EYS: variants seen among roughly 807,000 people sequenced by gnomAD.
EYS encodes EGF-like photoreceptor maintenance factor.
Under a neutral mutation model 282.1 loss-of-function variants are expected in EYS, and 250 were observed. The observed-to-expected ratio is 0.89, with a 90% CI of 0.80 to 0.98. The LOEUF (loss-of-function observed/expected upper bound fraction) is 0.98. Among genes scored for constraint, EYS ranks in the 50% least tolerant of loss-of-function variants. The probability of loss-of-function intolerance (pLI) is 0.00; values close to 1 mark genes in which losing one functional copy is unlikely to be tolerated. For synonymous variants in EYS, 1,355 were observed against 1,282.9 expected, an observed-to-expected ratio of 1.06 and a Z score of -1.20; for missense variants, 4,016 against 3,709.0, an observed-to-expected ratio of 1.08 and a Z score of -2.15.
chr6:63,944,928 C>CTA (rs1437969368), intron 35 of EYS, among the ~76,000 whole-genome samples: 7 of 151,556 alleles, frequency 4.6e-5, no homozygotes, highest in African/African-American at 1.7e-4. Flanking sequence ...GAGCAAGACT[C>CTA]TATCTCAAAA....
In EYS at chr6:65,089,884, A is replaced by C. The variant is rs1297419405; in HGVS notation, c.2024-32157T>G. Among the ~76,000 whole-genome samples, 3 of 149,750 alleles carry C rather than the reference A, an allele frequency of 2.0e-5. No homozygotes were observed. The East Asian group carries it at 6.1e-4, about 30-fold the overall frequency. On this transcript the variant is annotated intron_variant, in intron 12 of 42. Transcript: ENST00000503581. The stretch of plus-strand genomic sequence containing the variant: ...GTGAGGGGAATTGCTTGAATCTGGG[A>C]TGCAGAGGTTGCAGTAAAGCTGAGA...
At chr6:65,244,768 C>T (rs1407413454) in intron 12 of EYS, among the ~76,000 whole-genome samples, 1 of 151,782 alleles carries the variant, frequency 6.6e-6, no homozygotes, top group Non-Finnish European at 1.5e-5. Flanking sequence ...CTGATCCGCC[C>T]GCCTCGGCCT....
At chr6:63,839,711 G>A (rs1771901374) in intron 36 of EYS, among the ~76,000 whole-genome samples, 1 of 152,062 alleles carries the variant, frequency 6.6e-6, no homozygotes, top group Admixed American at 6.6e-5. Flanking sequence ...TTGACACACT[G>A]CTTTCCTTTC....
chr6:64,982,069 T>G (rs1169222595), intron 14 of EYS, among the ~76,000 whole-genome samples: 1 of 151,470 alleles, frequency 6.6e-6, no homozygotes, highest in Non-Finnish European at 1.5e-5. Flanking sequence ...AGCATTAATA[T>G]CTTTCCTTTC....
intron 19 of EYS, among the ~76,000 whole-genome samples, chr6:64,828,939 A>G (rs1210425203): frequency 3.3e-5 from 5 of 151,984 alleles, no homozygotes; most frequent in Non-Finnish European, 7.4e-5. Flanking sequence ...CCTTATTAAG[A>G]GGTTACCCAA....
intron 7 of EYS, among the ~76,000 whole-genome samples, chr6:65,398,587 A>C (rs930572700): frequency 2.0e-4 from 30 of 152,222 alleles, no homozygotes; most frequent in Admixed American, 1.4e-3. Flanking sequence ...AGTTCTCAAA[A>C]GGAAATGCAA....
At chr6:65,553,996 T>C (rs1202473409) in intron 2 of EYS, among the ~76,000 whole-genome samples, 1 of 152,130 alleles carries the variant, frequency 6.6e-6, no homozygotes, top group Non-Finnish European at 1.5e-5. Flanking sequence ...AGTGGTACCT[T>C]TGAGAGGTAA....
chr6:64,073,379 T>C (rs1214742408), intron 32 of EYS, among the ~76,000 whole-genome samples: 1 of 151,794 alleles, frequency 6.6e-6, no homozygotes, highest in Non-Finnish European at 1.5e-5. Context: ...ACATATCACT[T>C]GATTGACTTT....
At chr6:64,577,884 T>C (rs1467602364) in intron 26 of EYS, among the ~76,000 whole-genome samples, 1 of 152,138 alleles carries the variant, frequency 6.6e-6, no homozygotes, top group Non-Finnish European at 1.5e-5. Context: ...TATTTTCCTT[T>C]ATTTGTCCTT....
rs1767803278 is a variant in EYS at position 65,532,328 on chromosome 6, C to T, written c.-332-36335G>A. On this transcript the variant is annotated intron_variant, in intron 2 of 42. Transcript: ENST00000503581. ...CATATTTCTATTCAATCTGAATGAT[C>T]TCAAGTCATAATATTTTTCTTTGAT... Among the ~76,000 whole-genome samples, 4 of 152,060 alleles carry T rather than the reference C, an allele frequency of 2.6e-5. No homozygotes were observed. In the South Asian group the frequency reaches 8.3e-4, roughly 31 times the overall value.
At chr6:64,167,867 G>C (rs532636871) in intron 31 of EYS, among the ~76,000 whole-genome samples, 17 of 152,170 alleles carry the variant, frequency 1.1e-4, no homozygotes, top group Non-Finnish European at 1.9e-4. Context: ...TATATGAGCG[G>C]CATTATGTAC....
At chr6:64,540,172 A>G (rs1229865902) in intron 26 of EYS, among the ~76,000 whole-genome samples, 2 of 152,220 alleles carry the variant, frequency 1.3e-5, no homozygotes, top group Non-Finnish European at 2.9e-5. Context: ...AAGCAACTTT[A>G]AATCCTGTGG....
intron 31 of EYS, among the ~76,000 whole-genome samples, chr6:64,229,193 T>C (rs1163195506): frequency 2.6e-5 from 4 of 152,138 alleles, no homozygotes; most frequent in Non-Finnish European, 5.9e-5. Flanking sequence ...GAGAATCACT[T>C]GAACCTGGGA....
At chr6:64,738,956 C>G (rs1772278346) in intron 22 of EYS, among the ~76,000 whole-genome samples, 1 of 152,156 alleles carries the variant, frequency 6.6e-6, no homozygotes, top group East Asian at 1.9e-4. Flanking sequence ...CCATGTTGGC[C>G]AGGCTGGCCT....
chr6:65,231,456 G>C (rs2150268399), intron 12 of EYS, among the ~76,000 whole-genome samples: 1 of 151,548 alleles, frequency 6.6e-6, no homozygotes, highest in African/African-American at 2.4e-5. Context: ...AGAGGATTGG[G>C]GAGAGACTCT....
At chr6:64,767,471 C>A (rs1583134786) in intron 22 of EYS, among the ~76,000 whole-genome samples, 1 of 151,928 alleles carries the variant, frequency 6.6e-6, no homozygotes, top group Non-Finnish European at 1.5e-5. Context: ...TTCTATTTTT[C>A]TTTTTCTATT....
At chr6:65,628,263 G>A (rs1406102581) in intron 2 of EYS, among the ~76,000 whole-genome samples, 1 of 152,164 alleles carries the variant, frequency 6.6e-6, no homozygotes, top group East Asian at 1.9e-4. Flanking sequence ...TGGGGCCTTG[G>A]AGAACCTGTG....
In EYS at chr6:63,726,609, G is replaced by A. The variant is rs1299355731; in HGVS notation, c.8143C>T (p.Arg2715Ter). The A allele has an allele frequency of 8.4e-6, 13 of 1,550,712 alleles. No homozygotes were observed. Among genetic ancestry groups the A allele is most frequent in the African/African-American group, 5.5e-5 (4 of 72,928 alleles). Residue 2715 changes from arginine to a stop codon, truncating the protein, a stop_gained, in exon 42 of 43, where the codon CGA becomes TGA. Coordinates refer to ENST00000503581, the MANE Select transcript of EYS (RefSeq NM_001142800.2). LOFTEE classifies it high-confidence loss of function. ...SWMSFASFHV[R>*]KKTHIQLQFQ... ...TGCAATTGAATATGTGTCTTTTTTCGAACATGAAAGGAAGCAAAAGACATC... is the reference window on the plus strand; with the variant it reads ...TGCAATTGAATATGTGTCTTTTTTCAAACATGAAAGGAAGCAAAAGACATC...
At chr6:63,794,071 T>C (rs1770582446) in intron 37 of EYS, among the ~76,000 whole-genome samples, 1 of 152,180 alleles carries the variant, frequency 6.6e-6, no homozygotes, top group East Asian at 1.9e-4. Flanking sequence ...GTTGTGCCCC[T>C]CTCTCCCACC....
Sources: allele counts gnomAD v4.1 joint callset (sites outside exome capture counted in the v4.1 genomes callset), GRCh38; gene constraint gnomAD v4.1.1; transcripts MANE v1.5; gene names NCBI Gene and HGNC (gene_info 2026-07-23, HGNC 2026-07-21).